Variants in PPARGC1A observed in about 807,000 individuals in gnomAD.
PPARGC1A encodes the protein peroxisome proliferator-activated receptor gamma coactivator 1-alpha.
PPARGC1A carries 25 observed loss-of-function variants against 88.7 expected under a neutral mutation model. The ratio of observed to expected loss-of-function variants is 0.28; its 90% confidence interval spans 0.21 to 0.39. The LOEUF is 0.39. PPARGC1A is among the 10% of genes least tolerant of loss of function. PPARGC1A has a pLI of 1.00. For synonymous variants in PPARGC1A, 363 were observed against 355.6 expected, an observed-to-expected ratio of 1.02 and a Z score of -0.24; for missense variants, 880 against 968.7, an observed-to-expected ratio of 0.91 and a Z score of 1.22.
At chr4:23,800,527 T>C (rs57851648) in intron 12 of PPARGC1A, among the ~76,000 whole-genome samples, 7,740 of 151,610 alleles carry the variant, frequency 0.051, 240 homozygotes, top group South Asian at 0.12. Flanking sequence ...ATAAATTATT[T>C]TTAATCTTGT....
chr4:23,895,159 GA>G (rs773200297), intron 1 of PPARGC1A, among the ~76,000 whole-genome samples: 1,666 of 53,572 alleles, frequency 0.031, 10 homozygotes, highest in African/African-American at 0.051. Context: ...TTGTTTAACT[GA>G]AAAAAAAAAA....
chr4:24,026,493 C>A, the PPARGC1A span, among the ~76,000 whole-genome samples: 2 of 152,106 alleles, frequency 1.3e-5, no homozygotes, highest in Non-Finnish European at 2.9e-5. Flanking sequence ...AGGTCCCTTT[C>A]TCCTTTTGTA....
chr4:24,202,044 G>C, the PPARGC1A span, among the ~76,000 whole-genome samples: 1 of 151,916 alleles, frequency 6.6e-6, no homozygotes, highest in Non-Finnish European at 1.5e-5. Context: ...TGGGACTACA[G>C]GTGTGCACCA....
chr4:23,835,686 A>G (rs924669929), intron 2 of PPARGC1A, among the ~76,000 whole-genome samples: 3 of 152,320 alleles, frequency 2.0e-5, no homozygotes, highest in Admixed American at 6.5e-5. Context: ...TAGTGAATTA[A>G]GGAAGGAAAA....
the PPARGC1A span, among the ~76,000 whole-genome samples, chr4:24,292,476 T>C: frequency 1.3e-5 from 2 of 151,072 alleles, no homozygotes; most frequent in African/African-American, 2.4e-5. Context: ...GCCTCCCCTA[T>C]GTGCACTCCT....
the PPARGC1A span, among the ~76,000 whole-genome samples, chr4:24,194,663 CACACA>C: frequency 0.013 from 209 of 15,892 alleles, 4 homozygotes; most frequent in Middle Eastern, 0.17. Flanking sequence ...CACACACACA[CACACA>C]CCCCCATCAA....
chr4:23,872,599 A>ACAGATGG (rs1713629899), intron 2 of PPARGC1A, among the ~76,000 whole-genome samples: 1 of 152,172 alleles, frequency 6.6e-6, no homozygotes. Context: ...TGGGTAACAG[A>ACAGATGG]CAGATGGAGA....
the PPARGC1A span, among the ~76,000 whole-genome samples, chr4:24,400,664 C>T: frequency 1.3e-5 from 2 of 152,178 alleles, no homozygotes; most frequent in African/African-American, 4.8e-5. Context: ...TTGCTTTAAT[C>T]TGTAGGTGTC....
At chr4:24,207,701 A>G in the PPARGC1A span, among the ~76,000 whole-genome samples, 951 of 152,322 alleles carry the variant, frequency 6.2e-3, 34 homozygotes, top group East Asian at 0.094. Flanking sequence ...TGTCTTCCCA[A>G]TTTAAAAAAA....
chr4:23,808,018 G>A (rs571885137), intron 10 of PPARGC1A, among the ~76,000 whole-genome samples: 58 of 151,992 alleles, frequency 3.8e-4, no homozygotes, highest in Non-Finnish European at 6.3e-4. Flanking sequence ...TTGGGAGGCC[G>A]AGGTGGGCAG....
At chr4:23,991,959 A>G in the PPARGC1A span, among the ~76,000 whole-genome samples, 1 of 152,138 alleles carries the variant, frequency 6.6e-6, no homozygotes, top group East Asian at 1.9e-4. Flanking sequence ...AGTATCTAAC[A>G]AGTTCCTGCT....
At chr4:23,891,677 A>G (rs966962139), upstream of PPARGC1A, among the ~76,000 whole-genome samples, 4 of 152,208 alleles carry the variant, frequency 2.6e-5, no homozygotes, top group African/African-American at 9.6e-5. Context: ...ACTGGGCATA[A>G]AAAGGTGGCC....
the PPARGC1A span, among the ~76,000 whole-genome samples, chr4:24,236,302 A>G: frequency 6.6e-6 from 1 of 152,130 alleles, no homozygotes; most frequent in Non-Finnish European, 1.5e-5. Flanking sequence ...CTCTTCATGT[A>G]TTCTCTTGTG....
rs1296582203 is a variant in PPARGC1A, at chr4:23,889,252, T to C, written c.54+652A>G. 3.0e-6 allele frequency: 3 copies of C among 985,300 alleles called. No homozygotes were observed. The African/African-American group carries it at 5.2e-5, about 17-fold the overall frequency. 61.0% of individuals were successfully genotyped at this position (985,300 alleles called of 1,614,324 possible). On this transcript the variant is annotated intron_variant, in intron 1 of 12. Transcript: ENST00000264867. ...AGGAAGATTTAACCATTGGCTTCCC[T>C]GCCACCGACGCGAACGGAAAACCTT...
chr4:23,898,263 T>TAA (rs1224808782), intron 1 of PPARGC1A, among the ~76,000 whole-genome samples: 2 of 152,222 alleles, frequency 1.3e-5, no homozygotes, highest in Non-Finnish European at 2.9e-5. Flanking sequence ...GCAAATGTAT[T>TAA]AAACCAAGAC....
At chr4:23,898,318 A>C (rs1203462009) in intron 1 of PPARGC1A, among the ~76,000 whole-genome samples, 1 of 152,186 alleles carries the variant, frequency 6.6e-6, no homozygotes, top group Admixed American at 6.5e-5. Flanking sequence ...TCCTTTGTAC[A>C]TACGACTCTA....
the PPARGC1A span, among the ~76,000 whole-genome samples, chr4:24,315,503 G>C: frequency 6.6e-6 from 1 of 152,208 alleles, no homozygotes; most frequent in Admixed American, 6.5e-5. Flanking sequence ...GCACTCAGAA[G>C]TGCACCTGAG....
the PPARGC1A span, among the ~76,000 whole-genome samples, chr4:24,304,835 A>C: frequency 2.0e-5 from 3 of 152,146 alleles, no homozygotes; most frequent in African/African-American, 7.2e-5. Flanking sequence ...TCACATGATA[A>C]AGGAAGGTCT....
the PPARGC1A span, among the ~76,000 whole-genome samples, chr4:24,371,846 G>A: frequency 6.6e-6 from 1 of 151,880 alleles, no homozygotes; most frequent in Non-Finnish European, 1.5e-5. Flanking sequence ...AGCTACTCAG[G>A]AGACTGAGGC....
Sources: gnomAD v4.1 joint callset for allele counts (sites outside exome capture counted in the v4.1 genomes callset) on GRCh38, gnomAD v4.1.1 for gene constraint, MANE v1.5 for transcripts, NCBI Gene and HGNC (gene_info 2026-07-23, HGNC 2026-07-21) for gene names.